CEP85L: variants seen among roughly 807,000 people sequenced by gnomAD.
CEP85L encodes the protein centrosomal protein of 85 kDa-like.
Under a neutral mutation model 100.3 loss-of-function variants are expected in CEP85L, and 60 were observed. The observed-to-expected ratio is 0.60, with a 90% confidence interval of 0.49 to 0.74. CEP85L has a LOEUF of 0.74. Among genes scored for constraint, CEP85L ranks in the 30% least tolerant of loss-of-function variants. The pLI is 0.00. For missense variants in CEP85L, 973 were observed against 936.2 expected, an observed-to-expected ratio of 1.04 and a Z score of -0.51; for synonymous variants, 319 against 322.7, an observed-to-expected ratio of 0.99 and a Z score of 0.12.
At chr6:118,591,509 G>T (rs982528479) in intron 2 of CEP85L, among the ~76,000 whole-genome samples, 1 of 152,040 alleles carries the variant, frequency 6.6e-6, no homozygotes, top group African/African-American at 2.4e-5. Context: ...CCAATCAGAC[G>T]TCTGCATAGG....
intron 2 of CEP85L, among the ~76,000 whole-genome samples, chr6:118,609,081 TC>T (rs1216674223): frequency 6.6e-6 from 1 of 152,130 alleles, no homozygotes; most frequent in Non-Finnish European, 1.5e-5. Flanking sequence ...TTTAAAGAAA[TC>T]CAATATATAG....
intron 8 of CEP85L, 60 bp downstream of exon 8, chr6:118,481,719 A>C: frequency 1.0e-6 from 1 of 989,456 alleles, no homozygotes; most frequent in Non-Finnish European, 1.4e-6. Flanking sequence ...TAATTTAAGT[A>C]AAATGTTTTA....
intron 6 of CEP85L, 41 bp from the exon 7 acceptor site, chr6:118,483,899 A>T: frequency 6.4e-7 from 1 of 1,572,956 alleles, no homozygotes; most frequent in Non-Finnish European, 8.7e-7. Context: ...GTTTTCAGTC[A>T]TTAAAAGATA....
intron 1 of CEP85L, among the ~76,000 whole-genome samples, chr6:118,696,104 C>G (rs978814985): frequency 1.3e-5 from 2 of 152,014 alleles, no homozygotes; most frequent in African/African-American, 4.8e-5. Context: ...AAACCTGTCT[C>G]TACTAAAAAT....
At chr6:118,628,298 T>C (rs1050465570) in intron 2 of CEP85L, among the ~76,000 whole-genome samples, 2 of 152,052 alleles carry the variant, frequency 1.3e-5, no homozygotes, top group African/African-American at 4.8e-5. Flanking sequence ...AAGGCTTTAA[T>C]TGAAAAAGTA....
At chr6:118,518,437 C>T (rs537796482) in intron 4 of CEP85L, among the ~76,000 whole-genome samples, 1 of 152,288 alleles carries the variant, frequency 6.6e-6, no homozygotes, top group South Asian at 2.1e-4. Flanking sequence ...AGGGATTTGA[C>T]TTCTTCCTGG....
At chr6:118,635,740 G>A (rs763700348) in intron 1 of CEP85L, among the ~76,000 whole-genome samples, 1 of 152,124 alleles carries the variant, frequency 6.6e-6, no homozygotes, top group Admixed American at 6.5e-5. Context: ...CTCCATTAAA[G>A]CCTACAACAC....
intron 2 of CEP85L, among the ~76,000 whole-genome samples, chr6:118,591,382 T>C (rs957893532): frequency 6.6e-6 from 1 of 151,912 alleles, no homozygotes; most frequent in Admixed American, 6.6e-5. Flanking sequence ...AAACTGAACG[T>C]ACCTCTGATT....
At chr6:118,673,611 CCA>C (rs1038290493) in intron 1 of CEP85L, among the ~76,000 whole-genome samples, 47 of 152,302 alleles carry the variant, frequency 3.1e-4, no homozygotes, top group African/African-American at 1.1e-3. Flanking sequence ...TGCCCTACTC[CCA>C]CAGACACTTG....
rs182559175 is a variant in CEP85L at position 118,618,094 on chromosome 6, C to G, written c.232+14359G>C. Among the ~76,000 whole-genome samples the G allele has an allele frequency of 2.8e-3, 430 of 152,178 alleles. 1 individual carries two copies. Among genetic ancestry groups the G allele is most frequent in the Non-Finnish European group, 4.2e-3 (288 of 67,996 alleles). On this transcript the variant is annotated intron_variant, in intron 2 of 12. Transcript: ENST00000368491. The stretch of plus-strand genomic sequence containing the variant: ...TTCTGTAGTGGTCCCGAAGTACACC[C>G]GGGAGTGCTCAGCAAATGTCATGGT...
At chr6:118,613,616 G>A in intron 2 of CEP85L, among the ~76,000 whole-genome samples, 1 of 151,862 alleles carries the variant, frequency 6.6e-6, no homozygotes, top group East Asian at 1.9e-4. Flanking sequence ...GATTAGCCCG[G>A]CGTGGTGGCA....
chr6:118,592,237 C>G (rs1781229079), intron 2 of CEP85L, among the ~76,000 whole-genome samples: 1 of 151,686 alleles, frequency 6.6e-6, no homozygotes, highest in South Asian at 2.1e-4. Flanking sequence ...GGTTAAAGAA[C>G]AGGGCTTGGG....
intron 3 of CEP85L, among the ~76,000 whole-genome samples, chr6:118,532,149 T>C (rs1777329994): frequency 6.6e-6 from 1 of 152,108 alleles, no homozygotes; most frequent in Non-Finnish European, 1.5e-5. Context: ...ACTATGTATA[T>C]ACATAGTGTA....
intron 5 of CEP85L, among the ~76,000 whole-genome samples, chr6:118,496,721 T>G (rs1209946064): frequency 6.6e-6 from 1 of 152,172 alleles, no homozygotes; most frequent in East Asian, 1.9e-4. Flanking sequence ...ACTCCAGAGA[T>G]TTCTTTTAGA....
chr6:118,482,045 A>G, intron 7 of CEP85L, 112 bp from the exon 8 acceptor site: 1 of 600,296 alleles, frequency 1.7e-6, no homozygotes, highest in Non-Finnish European at 2.5e-6. Context: ...AAAAAAAAAA[A>G]AAAAAGAATC....
intron 4 of CEP85L, among the ~76,000 whole-genome samples, chr6:118,513,138 C>T (rs1776066760): frequency 6.6e-6 from 1 of 151,792 alleles, no homozygotes; most frequent in African/African-American, 2.4e-5. Flanking sequence ...TAAAAAGAAA[C>T]ACTAGAGAAA....
In CEP85L at chr6:118,520,605, T is replaced by C. The variant is rs535050436; in HGVS notation, c.1139+3197A>G. On this transcript the variant is annotated intron_variant, in intron 4 of 12. Transcript: ENST00000368491. ...AAAATATAATTATTGTTTATTATAG[T>C]TACCCTATAGTGCAACAGAACACTA... Among the ~76,000 whole-genome samples, 16 of 152,304 alleles carry C rather than the reference T, an allele frequency of 1.1e-4. No homozygotes were observed. The South Asian group carries it at 3.3e-3, about 32-fold the overall frequency.
intron 2 of CEP85L, among the ~76,000 whole-genome samples, chr6:118,593,619 T>A (rs757848310): frequency 1.3e-4 from 19 of 151,126 alleles, no homozygotes; most frequent in African/African-American, 4.6e-4. Context: ...CCTACCAACA[T>A]TGGGGAATAC....
At chr6:118,487,158 G>A (rs1225069303) in intron 6 of CEP85L, among the ~76,000 whole-genome samples, 1 of 152,076 alleles carries the variant, frequency 6.6e-6, no homozygotes, top group Non-Finnish European at 1.5e-5. Context: ...CTTGAAAGTG[G>A]GAGAAAAAAA....
Sources: gnomAD v4.1 joint callset for allele counts (sites outside exome capture counted in the v4.1 genomes callset) on GRCh38, gnomAD v4.1.1 for gene constraint, MANE v1.5 for transcripts, NCBI Gene and HGNC (gene_info 2026-07-23, HGNC 2026-07-21) for gene names.